Variants in ACTR3C observed in about 807,000 individuals in gnomAD.
ACTR3C encodes the protein actin-related protein 3C.
A neutral mutation model predicts 26.3 loss-of-function variants in ACTR3C; 18 were observed. That is an observed-to-expected ratio of 0.68 (90% CI 0.47 to 1.01). The LOEUF (loss-of-function observed/expected upper bound fraction) is 1.01, where lower values mean the gene tolerates loss of function less well. Among genes scored for constraint, ACTR3C ranks in the 50% least tolerant of loss-of-function variants. The probability of loss-of-function intolerance (pLI) is 0.00; values close to 1 mark genes in which losing one functional copy is unlikely to be tolerated. For missense variants in ACTR3C, 184 were observed against 250.7 expected, an observed-to-expected ratio of 0.73 and a Z score of 1.80; for synonymous variants, 55 against 94.5, an observed-to-expected ratio of 0.58 and a Z score of 2.42.
the ACTR3C span, among the ~76,000 whole-genome samples, chr7:150,035,185 C>G: frequency 7.3e-6 from 1 of 137,794 alleles, no homozygotes; most frequent in East Asian, 2.1e-4. Context: ...GGGTCTGGCT[C>G]TCAGTCCCCG....
the ACTR3C span, among the ~76,000 whole-genome samples, chr7:150,174,945 C>T: frequency 6.9e-6 from 1 of 145,282 alleles, no homozygotes; most frequent in African/African-American, 2.8e-5. Flanking sequence ...GTAGATTCAA[C>T]CTAATTCCCA....
chr7:150,314,157 A>G (rs1015003339), intron 1 of ACTR3C, among the ~76,000 whole-genome samples: 3 of 152,130 alleles, frequency 2.0e-5, no homozygotes, highest in African/African-American at 7.2e-5. Flanking sequence ...CGTGTCTCCT[A>G]GGGTCAGTGG....
intron 6 of ACTR3C, among the ~76,000 whole-genome samples, chr7:150,249,460 A>G (rs868203685): frequency 2.6e-5 from 4 of 152,046 alleles, no homozygotes; most frequent in Middle Eastern, 3.4e-3. Flanking sequence ...TTATTTTATT[A>G]TTATTGTTTT....
chr7:150,161,703 A>C, the ACTR3C span, among the ~76,000 whole-genome samples: 1 of 152,200 alleles, frequency 6.6e-6, no homozygotes, highest in South Asian at 2.1e-4. Context: ...GCTGCTATAA[A>C]GACGCATGCA....
At chr7:150,118,336 A>C in the ACTR3C span, among the ~76,000 whole-genome samples, 2 of 152,040 alleles carry the variant, frequency 1.3e-5, no homozygotes, top group African/African-American at 4.8e-5. Flanking sequence ...AAGAACTTTG[A>C]TAAAAAGTTA....
At chr7:149,954,035 A>C in the ACTR3C span, among the ~76,000 whole-genome samples, 9,919 of 140,284 alleles carry the variant, frequency 0.071, 1,098 homozygotes, top group African/African-American at 0.24. Flanking sequence ...TTTAGAGACA[A>C]CTCTGTTTTT....
chr7:150,248,103 A>T (rs1440011637), intron 7 of ACTR3C: 1 of 152,314 alleles, frequency 6.6e-6, no homozygotes, highest in Non-Finnish European at 1.5e-5. Flanking sequence ...CCAGGGTTTC[A>T]GCAGGGCCAA....
At chr7:149,921,324 T>G in the ACTR3C span, among the ~76,000 whole-genome samples, 2 of 152,118 alleles carry the variant, frequency 1.3e-5, no homozygotes, top group Non-Finnish European at 2.9e-5. Context: ...CTCTTTGTTC[T>G]TTCCTACCGT....
chr7:150,014,706 GAATGGCAACT>G, the ACTR3C span, among the ~76,000 whole-genome samples: 1 of 152,186 alleles, frequency 6.6e-6, no homozygotes, highest in Non-Finnish European at 1.5e-5. Flanking sequence ...CCTAAGAAAG[GAATGGCAACT>G]AATGCTTAGT....
At chr7:150,281,240 A>C (rs1270091756) in intron 6 of ACTR3C, among the ~76,000 whole-genome samples, 1 of 151,884 alleles carries the variant, frequency 6.6e-6, no homozygotes, top group Non-Finnish European at 1.5e-5. Flanking sequence ...CCGTCCAGAG[A>C]AAGGTGACTG....
At chr7:149,909,980 A>G in the ACTR3C span, among the ~76,000 whole-genome samples, 32,147 of 143,986 alleles carry the variant, frequency 0.22, 4,015 homozygotes, top group East Asian at 0.48. Flanking sequence ...TGCATCCCTA[A>G]TAACTTTAAA....
At chr7:150,211,510 G>A in the ACTR3C span, among the ~76,000 whole-genome samples, 2 of 151,508 alleles carry the variant, frequency 1.3e-5, no homozygotes, top group Non-Finnish European at 2.9e-5. Flanking sequence ...TGAACTCGTG[G>A]ACTCAAATGA....
At chr7:150,081,976 C>T in the ACTR3C span, among the ~76,000 whole-genome samples, 1 of 151,944 alleles carries the variant, frequency 6.6e-6, no homozygotes, top group East Asian at 1.9e-4. Context: ...ACCTTGATTT[C>T]CTCTGAGTAT....
intron 6 of ACTR3C, among the ~76,000 whole-genome samples, chr7:150,275,698 C>T (rs531786549): frequency 4.0e-5 from 6 of 148,830 alleles, no homozygotes; most frequent in East Asian, 3.9e-4. Flanking sequence ...GTGACAAGAG[C>T]GAAAACTCTG....
the ACTR3C span, among the ~76,000 whole-genome samples, chr7:150,104,999 A>AT: frequency 1.5e-4 from 23 of 151,538 alleles, 1 homozygote; most frequent in African/African-American, 4.6e-4. Context: ...AGAGAAGCTA[A>AT]TTTTTTTTCT....
chr7:149,962,761 G>C, the ACTR3C span, among the ~76,000 whole-genome samples: 2 of 152,166 alleles, frequency 1.3e-5, no homozygotes, highest in Non-Finnish European at 2.9e-5. Flanking sequence ...GGAAAAAGTA[G>C]ACAAACAGCA....
the ACTR3C span, among the ~76,000 whole-genome samples, chr7:150,085,575 A>G: frequency 6.6e-6 from 1 of 152,224 alleles, no homozygotes; most frequent in African/African-American, 2.4e-5. Flanking sequence ...ACCAATATTC[A>G]GGCACTTCTT....
At chr7:150,142,711 TAGAG>T in the ACTR3C span, among the ~76,000 whole-genome samples, 2 of 151,896 alleles carry the variant, frequency 1.3e-5, no homozygotes, top group Admixed American at 1.3e-4. Flanking sequence ...GTATTTTTAG[TAGAG>T]ATGGGGTTTT....
chr7:150,195,956 T>A, the ACTR3C span, among the ~76,000 whole-genome samples: 1 of 152,252 alleles, frequency 6.6e-6, no homozygotes, highest in Non-Finnish European at 1.5e-5. Context: ...TCTGCTATAA[T>A]TCTTATCTTT....
Sources: allele counts gnomAD v4.1 joint callset (sites outside exome capture counted in the v4.1 genomes callset), GRCh38; gene constraint gnomAD v4.1.1; transcripts MANE v1.5; gene names NCBI Gene and HGNC (gene_info 2026-07-23, HGNC 2026-07-21).